The following ZNF395 variants were observed in gnomAD, a reference collection of about 807,000 sequenced individuals.
ZNF395 encodes zinc finger protein 395.
A neutral mutation model predicts 57.7 loss-of-function variants in ZNF395; 20 were observed. That is an observed-to-expected ratio of 0.35 (90% CI 0.24 to 0.50). The LOEUF is 0.50. ZNF395 is among the 20% of genes least tolerant of loss of function. The probability of loss-of-function intolerance (pLI) is 0.97; values close to 1 mark genes in which losing one functional copy is unlikely to be tolerated. For synonymous variants in ZNF395, 295 were observed against 275.9 expected (o/e 1.07, Z -0.69); for missense variants, 606 against 671.2 (o/e 0.90, Z 1.07).
chr8:28,348,884 G>T lies in ZNF395; in HGVS notation c.1431-54C>A, dbSNP rs58813962. The T allele has an allele frequency of 5.1e-6, 8 of 1,571,586 alleles. No homozygotes were observed. The African/African-American group carries it at 1.1e-4, about 21-fold the overall frequency. On this transcript the variant is annotated intron_variant, in intron 9 of 9. Coordinates refer to ENST00000344423, the MANE Select transcript of ZNF395 (RefSeq NM_018660.3). ...CCCCACACAGGTGGTGGGCCCAGGA[G>T]AGTGGCCAAGTGGGGCTGGGAGAAC...
At chr8:28,381,464 T>A (rs1017567411) in intron 1 of ZNF395, among the ~76,000 whole-genome samples, 1 of 152,218 alleles carries the variant, frequency 6.6e-6, no homozygotes, top group African/African-American at 2.4e-5. Context: ...ATTACAGGTG[T>A]GAGCCACTAC....
chr8:28,362,007 C>T (rs1388535144), intron 1 of ZNF395, among the ~76,000 whole-genome samples: 3 of 151,536 alleles, frequency 2.0e-5, no homozygotes, highest in Non-Finnish European at 2.9e-5. Flanking sequence ...AGGAGAATTG[C>T]TTGAACCCAG....
rs1470312377 is a variant in ZNF395 at position 28,359,674 on chromosome 8, A to T, written c.391T>A (p.Cys131Ser). Residue 131 changes from cysteine to serine, a missense_variant, in exon 3 of 10, where the codon TGT (cysteine) becomes AGT (serine). Cys to Ser is a moderately radical substitution (Grantham distance 112, BLOSUM62 -1). This residue lies in a region of ZNF395 where 309 missense variants were observed against 374.7 expected (regional missense o/e 0.82). Coordinates refer to ENST00000344423, the MANE Select transcript of ZNF395 (RefSeq NM_018660.3). This position sits in a 1 kb window ranked among gnomAD's most constrained non-coding sequence, Gnocchi z 4.7. The part of the protein sequence containing the change: ...EVWLAELQGP[C>S]PQAPPLEPGA... ...GGCTCCAGGGGTGGTGCCTGGGGAC[A>T]GGGGCCCTGCAGCTCTGCCAGCCAC... 1.2e-6 allele frequency: 2 copies of T among 1,613,878 alleles called. No homozygotes were observed. Among genetic ancestry groups the T allele is most frequent in the Non-Finnish European group, 1.7e-6 (2 of 1,180,014 alleles).
At position 28,356,648 on chromosome 8, in the gene ZNF395, C is replaced by A; in HGVS notation, c.583+22G>T. On this transcript the variant is annotated intron_variant, in intron 4 of 9. Transcript: ENST00000344423. The surrounding 1 kb of genome is among the most constrained non-coding windows in gnomAD (Gnocchi z 4.0). ...GTGGGCCTCTACCATGCCCAGAACCCAGCTGGGCCCCGCTTGCTCACCAGA... is the reference window on the plus strand; with the variant it reads ...GTGGGCCTCTACCATGCCCAGAACCAAGCTGGGCCCCGCTTGCTCACCAGA... 1 of 1,597,956 alleles carries A rather than the reference C, an allele frequency of 6.3e-7. No individual in the cohort carries two copies. Among genetic ancestry groups the A allele is most frequent in the South Asian group, 1.1e-5 (1 of 90,456 alleles).
chr8:28,369,755 G>A (rs546519236), intron 1 of ZNF395, among the ~76,000 whole-genome samples: 17 of 152,334 alleles, frequency 1.1e-4, no homozygotes, highest in East Asian at 7.7e-4. Context: ...ACCTGGGGAG[G>A]GACTCACCGG....
chr8:28,366,081 A>G lies in ZNF395; in HGVS notation c.-58-4899T>C, dbSNP rs1014762257. Reference sequence around the variant, plus strand: ...CACAAGTCATAAGTCAAAGTGATTCACTGCACAACTCGTGGGGTTTATTTT... The same window carrying G: ...CACAAGTCATAAGTCAAAGTGATTCGCTGCACAACTCGTGGGGTTTATTTT... On this transcript the variant is annotated intron_variant, in intron 1 of 9. Coordinates refer to ENST00000344423, the MANE Select transcript of ZNF395 (RefSeq NM_018660.3). Among the ~76,000 whole-genome samples, 4 of 152,344 alleles carry G rather than the reference A, an allele frequency of 2.6e-5. No individual in the cohort carries two copies. The East Asian group carries it at 7.7e-4, about 29-fold the overall frequency.
intron 1 of ZNF395, among the ~76,000 whole-genome samples, chr8:28,376,160 A>C (rs1417307289): frequency 6.6e-6 from 1 of 151,844 alleles, no homozygotes; most frequent in Non-Finnish European, 1.5e-5. Flanking sequence ...TTTTTTATAG[A>C]GATGGGGTTT....
chr8:28,353,427 G>C lies in ZNF395; in HGVS notation c.584-19C>G, dbSNP rs962691432. On this transcript the variant is annotated intron_variant, in intron 4 of 9. Transcript: ENST00000344423. ...CGGGAAGCTGGCCAGATGAAGAAAA[G>C]ATGAGAGGACGCTCACGGGCGTGTC... is the stretch of plus-strand genomic sequence containing the variant. 2 of 1,491,506 alleles carry C rather than the reference G, an allele frequency of 1.3e-6. No homozygotes were observed. Among genetic ancestry groups the C allele is most frequent in the Non-Finnish European group, 9.0e-7 (1 of 1,117,260 alleles). The allele number at this position is 1,491,506 out of a possible 1,614,324, so 92.4% of individuals were successfully genotyped here.
intron 1 of ZNF395, 51 bp from the exon 2 acceptor site, chr8:28,361,233 G>C: frequency 6.7e-7 from 1 of 1,501,318 alleles, no homozygotes. Flanking sequence ...GCAGGAGCCA[G>C]GAAGGGTCTA....
chr8:28,365,073 G>GA, intron 1 of ZNF395, among the ~76,000 whole-genome samples: 1 of 152,314 alleles, frequency 6.6e-6, no homozygotes, highest in South Asian at 2.1e-4. Context: ...TAATAGGATG[G>GA]AAGTGGGAGA....
At chr8:28,357,593 C>A (rs765986438) in intron 3 of ZNF395, among the ~76,000 whole-genome samples, 3 of 152,202 alleles carry the variant, frequency 2.0e-5, no homozygotes, top group Non-Finnish European at 4.4e-5. Context: ...CAATTCAGGT[C>A]CGCCAAAATA....
chr8:28,370,929 CT>C (rs1366329234), intron 1 of ZNF395, among the ~76,000 whole-genome samples: 1 of 152,218 alleles, frequency 6.6e-6, no homozygotes, highest in Non-Finnish European at 1.5e-5. Context: ...CTTTCAAAGA[CT>C]GATGTGCATT....
At chr8:28,365,179 GCAA>G (rs1801896392) in intron 1 of ZNF395, among the ~76,000 whole-genome samples, 1 of 152,194 alleles carries the variant, frequency 6.6e-6, no homozygotes, top group African/African-American at 2.4e-5. Flanking sequence ...ATTTACAGAT[GCAA>G]CTCGATAGAC....
At chr8:28,349,973 G>A in intron 8 of ZNF395, 91 bp downstream of exon 8, 1 of 1,204,242 alleles carries the variant, frequency 8.3e-7, no homozygotes, top group South Asian at 1.7e-5. Context: ...GTGGCCACGT[G>A]CCCCGTGCCC....
intron 4 of ZNF395, among the ~76,000 whole-genome samples, chr8:28,354,845 G>A (rs1286487534): frequency 2.7e-5 from 4 of 148,876 alleles, no homozygotes; most frequent in Non-Finnish European, 5.9e-5. Flanking sequence ...GAAGGGCAGT[G>A]AGCAGAATAC....
intron 1 of ZNF395, among the ~76,000 whole-genome samples, chr8:28,385,662 G>A (rs1371913822): frequency 2.0e-5 from 3 of 148,400 alleles, no homozygotes; most frequent in Non-Finnish European, 4.5e-5. Flanking sequence ...CGGGAGGGCC[G>A]GGCGGGCGGC....
At position 28,351,693 on chromosome 8, in the gene ZNF395, G is replaced by A; in HGVS notation, c.1035C>T (p.Val345=). The change falls in exon 7 of 10, where the codon GTC becomes GTT. Residue 345 remains valine (V), a synonymous_variant. Coordinates refer to ENST00000344423, the MANE Select transcript of ZNF395 (RefSeq NM_018660.3). ...CTGGCTCGGAGGTGGGAGTCCCAGGGACTGGGGTGCCTGCGGCAGCAGCAG... is the reference window on the plus strand; with the variant it reads ...CTGGCTCGGAGGTGGGAGTCCCAGGAACTGGGGTGCCTGCGGCAGCAGCAG... ...AAAAAAAGTP[V]PGTPTSEPAP... 6.2e-7 allele frequency: 1 copy of A among 1,611,718 alleles called. No homozygotes were observed. The highest frequency in any genetic ancestry group is 8.5e-7 in the Non-Finnish European group (1 of 1,179,932).
chr8:28,347,139 G>A lies in ZNF395; in HGVS notation c.*1580C>T, dbSNP rs1289405727. 6.6e-6 allele frequency: 1 copy of A among 152,156 alleles called. No individual in the cohort carries two copies. The highest frequency in any genetic ancestry group is 2.4e-5 in the African/African-American group (1 of 41,430). 9.4% of individuals were successfully genotyped at this position (152,156 alleles called of 1,614,324 possible). A position where few individuals can be genotyped will look rare whatever the true frequency, so the allele number is the denominator to read the frequency against. ...AGCACGTGTCTATTTCCTACGTGAA[G>A]GGGCCAAGGGAGCCCTGGTGGCCCA... On this transcript the variant is annotated 3_prime_UTR_variant, in exon 10 of 10. Coordinates refer to ENST00000344423, the MANE Select transcript of ZNF395 (RefSeq NM_018660.3).
chr8:28,361,611 G>C (rs1196685058), intron 1 of ZNF395, among the ~76,000 whole-genome samples: 2 of 152,164 alleles, frequency 1.3e-5, no homozygotes, highest in Non-Finnish European at 2.9e-5. Flanking sequence ...CCAATGGTCT[G>C]CTGTCTAAAC....
Sources: gnomAD v4.1 joint callset for allele counts (sites outside exome capture counted in the v4.1 genomes callset) on GRCh38, gnomAD v4.1.1 for gene constraint, gnomAD v4.1.1 regional missense constraint, Gnocchi (gnomAD v3.1) non-coding constraint, MANE v1.5 for transcripts, NCBI Gene and HGNC (gene_info 2026-07-23, HGNC 2026-07-21) for gene names.